The following ANKS1B variants were observed in gnomAD, a reference collection of about 807,000 sequenced individuals.
ANKS1B encodes ankyrin repeat and sterile alpha motif domain containing 1B, also known as ankyrin repeat and sterile alpha motif domain-containing protein 1B.
Under a neutral mutation model 148.3 loss-of-function variants are expected in ANKS1B, and 36 were observed. That is an observed-to-expected ratio of 0.24 (90% CI 0.19 to 0.32). The LOEUF (loss-of-function observed/expected upper bound fraction) is 0.32, where lower values mean the gene tolerates loss of function less well. Ranked by LOEUF, ANKS1B falls within the 10% of genes least tolerant of loss-of-function variation. ANKS1B has a pLI of 1.00. For missense variants in ANKS1B, 1,157 were observed against 1,542.6 expected (o/e 0.75, Z 4.19); for synonymous variants, 542 against 560.8 (o/e 0.97, Z 0.47).
Position 98,751,534 on chromosome 12 carries a change from A to G in ANKS1B, c.3580-12T>C, listed in dbSNP as rs745771542. The G allele has an allele frequency of 3.1e-6, 5 of 1,613,066 alleles. No individual in the cohort carries two copies. In the Admixed American group the frequency reaches 8.4e-5, roughly 27 times the overall value. ...TCATAGGCTAAATTCTGCAAGAAAA[A>G]TGAGAAAGCATTTGCTACTGGCACA... On this transcript the variant is annotated splice_polypyrimidine_tract_variant and intron_variant, in intron 25 of 26. Coordinates refer to ENST00000683438, the MANE Select transcript of ANKS1B (RefSeq NM_001352186.2). The surrounding 1 kb of genome is among the most constrained non-coding windows in gnomAD (Gnocchi z 4.3).
intron 17 of ANKS1B, among the ~76,000 whole-genome samples, chr12:98,878,575 G>A (rs953768056): frequency 1.3e-5 from 2 of 152,132 alleles, no homozygotes; most frequent in African/African-American, 4.8e-5. Context: ...AGGGATCAGA[G>A]GACACCATAG....
intron 14 of ANKS1B, among the ~76,000 whole-genome samples, chr12:99,238,334 C>T (rs950292119): frequency 2.6e-5 from 4 of 152,176 alleles, no homozygotes; most frequent in African/African-American, 4.8e-5. Flanking sequence ...AATGCTGCAG[C>T]TTGACGGGGG....
rs549165201 is a variant in ANKS1B at position 98,808,884 on chromosome 12, C to T, written c.3067-966G>A. Among the ~76,000 whole-genome samples, 129 of 152,198 alleles carry T rather than the reference C, an allele frequency of 8.5e-4. 1 individual carries two copies. Among genetic ancestry groups the T allele is most frequent in the Middle Eastern group, 3.4e-3 (1 of 294 alleles). On this transcript the variant is annotated intron_variant, in intron 19 of 26. Transcript: ENST00000683438. ...GCATCTTTAGCATTCACAAGCAGTC[C>T]GTACAAAGATCACTGCAGGAAGAAG... is the stretch of plus-strand genomic sequence containing the variant.
chr12:99,979,289 T>G (rs2095664804), intron 1 of ANKS1B, among the ~76,000 whole-genome samples: 1 of 152,150 alleles, frequency 6.6e-6, no homozygotes, highest in Admixed American at 6.6e-5. Context: ...AATGCTAATG[T>G]CCTTTTTAGC....
intron 3 of ANKS1B, among the ~76,000 whole-genome samples, chr12:99,811,105 T>C (rs1401496940): frequency 1.3e-5 from 2 of 151,974 alleles, no homozygotes; most frequent in East Asian, 3.9e-4. Context: ...CTTTTCCAAT[T>C]AATAAAATGT....
In ANKS1B at chr12:98,745,528, C is replaced by G; in HGVS notation, c.*211G>C. On this transcript the variant is annotated 3_prime_UTR_variant, in exon 27 of 27. Transcript: ENST00000683438. ...GGAAAACCCATCTCAACTCACGCCT[C>G]TCAGGGGTTGCGACTGGAAAGTCTT... The G allele has an allele frequency of 7.5e-7, 1 of 1,325,990 alleles. No individual in the cohort carries two copies. Among genetic ancestry groups the G allele is most frequent in the South Asian group, 1.7e-5 (1 of 59,422 alleles). 82.1% of individuals were successfully genotyped at this position (1,325,990 alleles called of 1,614,324 possible). A position where few individuals can be genotyped will look rare whatever the true frequency, so the allele number is the denominator to read the frequency against.
chr12:99,902,117 A>G (rs755399776), intron 1 of ANKS1B, among the ~76,000 whole-genome samples: 2 of 152,240 alleles, frequency 1.3e-5, no homozygotes, highest in Non-Finnish European at 2.9e-5. Flanking sequence ...ATGGGAGAAG[A>G]TAGTAAAAGA....
At position 98,745,868 on chromosome 12, in the gene ANKS1B, G is replaced by C; in HGVS notation, c.3748-19C>G. The C allele has an allele frequency of 6.2e-7, 1 of 1,609,054 alleles. No individual in the cohort carries two copies. Among genetic ancestry groups the C allele is most frequent in the Non-Finnish European group, 8.5e-7 (1 of 1,177,798 alleles). On this transcript the variant is annotated intron_variant, in intron 26 of 26. Transcript: ENST00000683438. ...CGATCTGCTTTAAAACAGAAAGGCT[G>C]ATGCCTGTTATACGGTCGCCGCGCG... is the stretch of plus-strand genomic sequence containing the variant.
At chr12:99,005,009 G>A (rs1033579012) in intron 17 of ANKS1B, among the ~76,000 whole-genome samples, 3 of 152,150 alleles carry the variant, frequency 2.0e-5, no homozygotes, top group South Asian at 2.1e-4. Flanking sequence ...GAGAACATCC[G>A]GTGGGAGCAG....
At position 99,018,299 on chromosome 12, in the gene ANKS1B, G is replaced by A. The variant is rs147070054; in HGVS notation, c.2778+34858C>T. ...AGCTTGTTTGCCCCTTCTGTCATGT[G>A]GGGACACATAGTAGGCACCATCTAC... On this transcript the variant is annotated intron_variant, in intron 17 of 26. Coordinates refer to ENST00000683438, the MANE Select transcript of ANKS1B (RefSeq NM_001352186.2). 9.9e-5 allele frequency among the ~76,000 whole-genome samples: 15 copies of A among 152,266 alleles called. No individual in the cohort carries two copies. The East Asian group carries it at 2.7e-3, about 27-fold the overall frequency.
chr12:99,811,829 T>TA (rs1565774926), intron 3 of ANKS1B, among the ~76,000 whole-genome samples: 1 of 151,958 alleles, frequency 6.6e-6, no homozygotes, highest in Non-Finnish European at 1.5e-5. Flanking sequence ...AGAAACATTG[T>TA]AATTCTCATT....
intron 12 of ANKS1B, among the ~76,000 whole-genome samples, chr12:99,377,986 C>G (rs1033192032): frequency 3.3e-5 from 5 of 152,166 alleles, no homozygotes; most frequent in Non-Finnish European, 7.3e-5. Flanking sequence ...CCATTCCTAG[C>G]CTTTCCAGAT....
At chr12:99,902,343 G>A (rs2093627925) in intron 1 of ANKS1B, among the ~76,000 whole-genome samples, 1 of 152,154 alleles carries the variant, frequency 6.6e-6, no homozygotes, top group Non-Finnish European at 1.5e-5. Context: ...CTGAAGCATG[G>A]CAAGTGAGAA....
chr12:99,269,520 G>C (rs61940238), intron 12 of ANKS1B, among the ~76,000 whole-genome samples: 1 of 145,508 alleles, frequency 6.9e-6, no homozygotes, highest in African/African-American at 2.6e-5. Flanking sequence ...TTTTTTTTTG[G>C]TCACACGTTT....
chr12:99,407,222 A>G (rs1357397085), intron 11 of ANKS1B, among the ~76,000 whole-genome samples: 3 of 146,308 alleles, frequency 2.1e-5, no homozygotes, highest in Non-Finnish European at 4.5e-5. Context: ...GGATGGTTCA[A>G]CTTATGTAAA....
chr12:99,399,606 A>G, intron 12 of ANKS1B, 25 bp downstream of exon 12: 1 of 1,603,396 alleles, frequency 6.2e-7, no homozygotes, highest in South Asian at 1.1e-5. Context: ...ATAAAAATAC[A>G]GCTGCATAAA....
chr12:99,056,121 C>A (rs1367448618), intron 16 of ANKS1B, among the ~76,000 whole-genome samples: 1 of 152,060 alleles, frequency 6.6e-6, no homozygotes, highest in Non-Finnish European at 1.5e-5. Flanking sequence ...CCCACTCATT[C>A]AATAAATATT....
rs138561312 is a variant in ANKS1B at position 99,720,179 on chromosome 12, C to A, written c.1128+52743G>T. Among the ~76,000 whole-genome samples the A allele has an allele frequency of 6.9e-4, 105 of 152,298 alleles. 2 individuals carry two copies. The East Asian group carries it at 0.019, about 28-fold the overall frequency. On this transcript the variant is annotated intron_variant, in intron 8 of 26. Coordinates refer to ENST00000683438, the MANE Select transcript of ANKS1B (RefSeq NM_001352186.2). ...AGTGTTCTATCTGCTATTCTACTAC[C>A]CTTCAGGGATTGTTCAGGCCTCCTC...
chr12:98,938,258 T>C (rs908453231), intron 17 of ANKS1B, among the ~76,000 whole-genome samples: 4 of 152,230 alleles, frequency 2.6e-5, no homozygotes, highest in African/African-American at 9.7e-5. Flanking sequence ...GTTATTATTA[T>C]TAACCTACGT....
Sources: gnomAD v4.1 joint callset for allele counts (sites outside exome capture counted in the v4.1 genomes callset) on GRCh38, gnomAD v4.1.1 for gene constraint, Gnocchi (gnomAD v3.1) non-coding constraint, MANE v1.5 for transcripts, NCBI Gene and HGNC (gene_info 2026-07-23, HGNC 2026-07-21) for gene names.